Variants in SINHCAF observed in about 807,000 individuals in gnomAD.
SINHCAF encodes SIN3-HDAC complex-associated factor.
Under a neutral mutation model 25.8 loss-of-function variants are expected in SINHCAF, and 3 were observed. That is an observed-to-expected ratio of 0.12 (90% CI 0.05 to 0.30). The LOEUF (loss-of-function observed/expected upper bound fraction) is 0.30, where lower values mean the gene tolerates loss of function less well. Among genes scored for constraint, SINHCAF ranks in the 10% least tolerant of loss-of-function variants. The pLI, the probability that SINHCAF is intolerant of heterozygous loss-of-function variation, is 1.00. For synonymous variants in SINHCAF, 70 were observed against 85.5 expected (o/e 0.82, Z 1.00); for missense variants, 121 against 262.3 (o/e 0.46, Z 3.72).
chr12:31,301,948 A>C (rs576794848), intron 1 of SINHCAF, among the ~76,000 whole-genome samples: 1 of 152,320 alleles, frequency 6.6e-6, no homozygotes, highest in Non-Finnish European at 1.5e-5. Context: ...AATTTGTGCA[A>C]TATTAAATGA....
intron 1 of SINHCAF, among the ~76,000 whole-genome samples, chr12:31,300,158 T>A (rs1171830719): frequency 6.6e-6 from 1 of 152,214 alleles, no homozygotes; most frequent in Non-Finnish European, 1.5e-5. Flanking sequence ...GAACCAAATA[T>A]CCAGGCTTTT....
At chr12:31,292,654 C>A (rs1362686135) in intron 4 of SINHCAF, among the ~76,000 whole-genome samples, 1 of 152,026 alleles carries the variant, frequency 6.6e-6, no homozygotes, top group African/African-American at 2.4e-5. Context: ...TACATCTCTA[C>A]CACTTATTAA....
In SINHCAF at chr12:31,325,001, G is replaced by C; in HGVS notation, c.-21+1023C>G. 2.2e-6 allele frequency: 1 copy of C among 456,784 alleles called. No individual in the cohort carries two copies. The highest frequency in any genetic ancestry group is 4.4e-6 in the Non-Finnish European group (1 of 226,988). The allele number at this position is 456,784 out of a possible 1,614,324, so 28.3% of individuals were successfully genotyped here. A position where few individuals can be genotyped will look rare whatever the true frequency, so the allele number is the denominator to read the frequency against. ...GCATCCCACGGCTCACGCGGGGCTGGACATTCGGACAAGGACCAGGGTCGC... is the reference window on the plus strand; with the variant it reads ...GCATCCCACGGCTCACGCGGGGCTGCACATTCGGACAAGGACCAGGGTCGC... On this transcript the variant is annotated intron_variant, in intron 1 of 5. Coordinates refer to ENST00000337682, the MANE Select transcript of SINHCAF (RefSeq NM_001135812.2). This position sits in a 1 kb window ranked among gnomAD's most constrained non-coding sequence, Gnocchi z 5.9.
intron 2 of SINHCAF, chr12:31,296,854 TCAAACAAACCAA>T (rs1195795482): frequency 2.4e-5 from 7 of 295,604 alleles, no homozygotes; most frequent in Non-Finnish European, 4.1e-5. Flanking sequence ...AGACTCTGTC[TCAAACAAACCAA>T]CAAACAAACA....
intron 5 of SINHCAF, among the ~76,000 whole-genome samples, chr12:31,285,159 G>C (rs1409681890): frequency 1.3e-5 from 2 of 151,894 alleles, no homozygotes; most frequent in Non-Finnish European, 2.9e-5. Context: ...AGGCCAAGGC[G>C]AGCAGATCAC....
Position 31,326,038 on chromosome 12 carries a change from C to G in SINHCAF, c.-35G>C, listed in dbSNP as rs1939963974. The G allele has an allele frequency of 6.6e-6, 1 of 152,202 alleles. No homozygotes were observed. Among genetic ancestry groups the G allele is most frequent in the African/African-American group, 2.4e-5 (1 of 41,438 alleles). The allele number at this position is 152,202 out of a possible 1,614,324, so 9.4% of individuals were successfully genotyped here. A position where few individuals can be genotyped will look rare whatever the true frequency, so the allele number is the denominator to read the frequency against. ...GAGTCACTCACCTTCCAAAAGCAGCCGTTCCACGCGCAATAATGTCCCCGA... is the reference window on the plus strand; with the variant it reads ...GAGTCACTCACCTTCCAAAAGCAGCGGTTCCACGCGCAATAATGTCCCCGA... On this transcript the variant is annotated 5_prime_UTR_variant, in exon 1 of 6. Transcript: ENST00000337682.
intron 1 of SINHCAF, among the ~76,000 whole-genome samples, chr12:31,322,776 T>C (rs992787648): frequency 6.6e-6 from 1 of 152,228 alleles, no homozygotes; most frequent in Non-Finnish European, 1.5e-5. Flanking sequence ...ACTTAGATTC[T>C]AGGCCTTACA....
intron 4 of SINHCAF, among the ~76,000 whole-genome samples, chr12:31,293,192 T>G (rs1009216299): frequency 2.0e-5 from 3 of 152,228 alleles, no homozygotes; most frequent in African/African-American, 2.4e-5. Flanking sequence ...TAACATTATA[T>G]GCAGTGTATT....
intron 1 of SINHCAF, among the ~76,000 whole-genome samples, chr12:31,314,290 C>T (rs998305266): frequency 1.3e-5 from 2 of 151,684 alleles, no homozygotes; most frequent in African/African-American, 4.8e-5. Context: ...GTTTAGGAGG[C>T]GAGGCGGGCG....
chr12:31,308,733 C>G (rs1403771468), intron 1 of SINHCAF, among the ~76,000 whole-genome samples: 1 of 152,100 alleles, frequency 6.6e-6, no homozygotes, highest in Non-Finnish European at 1.5e-5. Context: ...ACATCACAGT[C>G]CAAGTATACC....
At chr12:31,304,116 C>T (rs1335701970) in intron 1 of SINHCAF, 20 of 82,816 alleles carry the variant, frequency 2.4e-4, no homozygotes, top group East Asian at 1.2e-3. Flanking sequence ...CAAGACTCTC[C>T]CTCAAAAAAA....
At chr12:31,311,809 G>A (rs1316831316) in intron 1 of SINHCAF, 3 of 489,038 alleles carry the variant, frequency 6.1e-6, no homozygotes, top group Non-Finnish European at 4.0e-6. Context: ...AAGTGGGGTG[G>A]TGGGTCAGAC....
Position 31,287,478 on chromosome 12 carries a change from C to T in SINHCAF, c.506+156G>A, listed in dbSNP as rs1212677408. ...AATAAATTTTAATAGGAAGAACATA[C>T]AAAAATCCCACTTCCCTGCTCAATT... On this transcript the variant is annotated intron_variant, in intron 5 of 5. Transcript: ENST00000337682. 5.3e-5 allele frequency among the ~76,000 whole-genome samples: 8 copies of T among 152,174 alleles called. No individual in the cohort carries two copies. The East Asian group carries it at 1.3e-3, about 26-fold the overall frequency.
intron 1 of SINHCAF, among the ~76,000 whole-genome samples, chr12:31,314,136 G>A (rs993213668): frequency 6.6e-6 from 1 of 151,978 alleles, no homozygotes; most frequent in Non-Finnish European, 1.5e-5. Context: ...GGGGCCTTTG[G>A]AGCCGTGTTT....
Position 31,325,676 on chromosome 12 carries a change from A to G in SINHCAF, c.-21+348T>C, listed in dbSNP as rs1465807870. 1 of 175,838 alleles carries G rather than the reference A, an allele frequency of 5.7e-6. No individual in the cohort carries two copies. Among genetic ancestry groups the G allele is most frequent in the Admixed American group, 5.7e-5 (1 of 17,636 alleles). The allele number at this position is 175,838 out of a possible 1,614,324, so 10.9% of individuals were successfully genotyped here. A position where few individuals can be genotyped will look rare whatever the true frequency, so the allele number is the denominator to read the frequency against. ...GCCGGGCTCCTTTCCGCGAGAGAACACTGCGGCGGAGAAAAGTCATTGTCA... is the reference window on the plus strand; with the variant it reads ...GCCGGGCTCCTTTCCGCGAGAGAACGCTGCGGCGGAGAAAAGTCATTGTCA... On this transcript the variant is annotated intron_variant, in intron 1 of 5. Transcript: ENST00000337682. This position sits in a 1 kb window ranked among gnomAD's most constrained non-coding sequence, Gnocchi z 5.9.
Position 31,325,508 on chromosome 12 carries a change from C to CTA in SINHCAF, c.-21+514_-21+515dup. 3.2e-6 allele frequency: 1 copy of CTA among 314,466 alleles called. No individual in the cohort carries two copies. 19.5% of individuals were successfully genotyped at this position (314,466 alleles called of 1,614,324 possible). A position where few individuals can be genotyped will look rare whatever the true frequency, so the allele number is the denominator to read the frequency against. On this transcript the variant is annotated intron_variant, in intron 1 of 5. Transcript: ENST00000337682. This position sits in a 1 kb window ranked among gnomAD's most constrained non-coding sequence, Gnocchi z 5.9. ...GAGCGAATGGCGTTTATTGTCCACC[C>CTA]TAGTCCGAGGGCTGCAGTCAACTAA... is the stretch of plus-strand genomic sequence containing the variant.
At chr12:31,323,615 C>G (rs2137145997) in intron 1 of SINHCAF, among the ~76,000 whole-genome samples, 1 of 152,230 alleles carries the variant, frequency 6.6e-6, no homozygotes, top group Non-Finnish European at 1.5e-5. Context: ...GTCATAGTTA[C>G]CAGAACAAAC....
At chr12:31,312,794 T>C in intron 1 of SINHCAF, among the ~76,000 whole-genome samples, 1 of 152,250 alleles carries the variant, frequency 6.6e-6, no homozygotes, top group East Asian at 1.9e-4. Context: ...TTTTCTTTTG[T>C]AGCTAGCTCT....
chr12:31,324,979 T>C lies in SINHCAF; in HGVS notation c.-21+1045A>G, dbSNP rs1301177870. 2.2e-6 allele frequency: 1 copy of C among 456,596 alleles called. No individual in the cohort carries two copies. Among genetic ancestry groups the C allele is most frequent in the East Asian group, 6.9e-5 (1 of 14,404 alleles). 28.3% of individuals were successfully genotyped at this position (456,596 alleles called of 1,614,324 possible). A position where few individuals can be genotyped will look rare whatever the true frequency, so the allele number is the denominator to read the frequency against. ...CCGGACCTGCCCGACGGCGGCCGCA[T>C]CCCACGGCTCACGCGGGGCTGGACA... On this transcript the variant is annotated intron_variant, in intron 1 of 5. Coordinates refer to ENST00000337682, the MANE Select transcript of SINHCAF (RefSeq NM_001135812.2). This position sits in a 1 kb window ranked among gnomAD's most constrained non-coding sequence, Gnocchi z 5.5.
Sources: gnomAD v4.1 joint callset for allele counts (sites outside exome capture counted in the v4.1 genomes callset) on GRCh38, gnomAD v4.1.1 for gene constraint, Gnocchi (gnomAD v3.1) non-coding constraint, MANE v1.5 for transcripts, NCBI Gene and HGNC (gene_info 2026-07-23, HGNC 2026-07-21) for gene names.